Variants in RALGDS observed in about 807,000 individuals in gnomAD.
The protein encoded by RALGDS is ral guanine nucleotide exchange factor.
A neutral mutation model predicts 99.8 loss-of-function variants in RALGDS; 44 were observed. The observed-to-expected ratio is 0.44, with a 90% CI of 0.35 to 0.57. RALGDS has a LOEUF of 0.57. RALGDS is among the 20% of genes least tolerant of loss of function. The pLI is 0.01. For synonymous variants in RALGDS, 529 were observed against 505.0 expected (o/e 1.05, Z -0.64); for missense variants, 1,022 against 1,203.1 (o/e 0.85, Z 2.23).
intron 3 of RALGDS, 146 bp downstream of exon 3, chr9:133,110,150 T>A (rs1831273645): frequency 3.5e-6 from 3 of 847,000 alleles, no homozygotes; most frequent in Non-Finnish European, 5.6e-6. Context: ...GACAACCCCA[T>A]GAGGTCCTCT....
At chr9:133,111,578 G>T (rs1831344267) in intron 2 of RALGDS, among the ~76,000 whole-genome samples, 1 of 152,214 alleles carries the variant, frequency 6.6e-6, no homozygotes, top group Non-Finnish European at 1.5e-5. Context: ...ACTGCGCCTG[G>T]CTCCTGCAGC....
At chr9:133,102,372 T>C (rs1588510518) in intron 14 of RALGDS, 104 bp downstream of exon 14, 4 of 1,327,628 alleles carry the variant, frequency 3.0e-6, no homozygotes, top group South Asian at 2.4e-5. Context: ...AGCAGCAGGG[T>C]AGGATTCCAG....
In RALGDS at chr9:133,131,089, C is replaced by T. The variant is rs770730101; in HGVS notation, c.-6G>A. The T allele has an allele frequency of 7.3e-5, 107 of 1,472,614 alleles. No individual in the cohort carries two copies. The South Asian group carries it at 1.3e-3, about 18-fold the overall frequency. 91.2% of individuals were successfully genotyped at this position (1,472,614 alleles called of 1,614,324 possible). A position where few individuals can be genotyped will look rare whatever the true frequency, so the allele number is the denominator to read the frequency against. On this transcript the variant is annotated 5_prime_UTR_variant, in exon 1 of 18. Transcript: ENST00000372062. ...GAGTGCCCCCACAGGCACATCAGGC[C>T]CTGGGGCCCGGCTTCCCGCCCAGAC...
chr9:133,107,012 G>A, intron 7 of RALGDS, 73 bp downstream of exon 7: 1 of 1,528,394 alleles, frequency 6.5e-7, no homozygotes, highest in Non-Finnish European at 9.0e-7. Context: ...CCTGTACAGG[G>A]CCTTGGACTG....
At chr9:133,145,954 G>T (rs1206550303) in intron 1 of RALGDS, among the ~76,000 whole-genome samples, 1 of 152,206 alleles carries the variant, frequency 6.6e-6, no homozygotes, top group Non-Finnish European at 1.5e-5. Context: ...CTTTACAACT[G>T]TGAGGAAAGA....
intron 9 of RALGDS, 85 bp from the exon 10 acceptor site, chr9:133,104,416 G>C (rs949994277): frequency 4.7e-6 from 6 of 1,289,212 alleles, no homozygotes; most frequent in Middle Eastern, 1.9e-4. Context: ...AGTGTGGTCG[G>C]GTTCCAGGGC....
Position 133,098,783 on chromosome 9 carries a change from G to A in RALGDS, c.2570-21C>T, listed in dbSNP as rs769095384. 19 of 1,613,094 alleles carry A rather than the reference G, an allele frequency of 1.2e-5. No individual in the cohort carries two copies. In the African/African-American group the frequency reaches 2.5e-4, roughly 22 times the overall value. On this transcript the variant is annotated intron_variant, in intron 17 of 17. Coordinates refer to ENST00000372050, the MANE Select transcript of RALGDS (RefSeq NM_006266.4). The stretch of plus-strand genomic sequence containing the variant: ...CAGCTCTGGTGGGGAGGGGCAGAGG[G>A]GTGATCAGGGATGCTCCTGGGGGCC...
At chr9:133,111,852 G>T (rs1342437439) in intron 2 of RALGDS, among the ~76,000 whole-genome samples, 190 bp downstream of exon 2, 1 of 152,224 alleles carries the variant, frequency 6.6e-6, no homozygotes, top group Non-Finnish European at 1.5e-5. Flanking sequence ...AGGATGGTGA[G>T]GCTGATGGCT....
chr9:133,118,625 G>T (rs1289472260), intron 1 of RALGDS, among the ~76,000 whole-genome samples: 1 of 152,250 alleles, frequency 6.6e-6, no homozygotes, highest in Non-Finnish European at 1.5e-5. Flanking sequence ...GTGGGGTCCA[G>T]TTCTGGGCTT....
At chr9:133,111,955 G>A in intron 2 of RALGDS, 87 bp downstream of exon 2, 1 of 1,006,112 alleles carries the variant, frequency 9.9e-7, no homozygotes, top group Non-Finnish European at 1.5e-6. Flanking sequence ...CGTTTCCTTT[G>A]GGATCAGAAC....
At chr9:133,125,948 C>T (rs1564248787), upstream of RALGDS, among the ~76,000 whole-genome samples, 3 of 152,072 alleles carry the variant, frequency 2.0e-5, no homozygotes, top group Non-Finnish European at 4.4e-5. Flanking sequence ...GGACTGAGGC[C>T]GTGGGCAGCT....
rs941742328 is a variant in RALGDS at position 133,103,904 on chromosome 9, G to A, written c.1672-71C>T. ...GCTTTCTCAGCCCCCAGCCCCAACT[G>A]GTCTCACTTGGAACAGCTGGGGGAC... On this transcript the variant is annotated intron_variant, in intron 10 of 17. Transcript: ENST00000372050. 3 of 1,456,688 alleles carry A rather than the reference G, an allele frequency of 2.1e-6. No individual in the cohort carries two copies. The Admixed American group carries it at 5.1e-5, about 25-fold the overall frequency. 90.2% of individuals were successfully genotyped at this position (1,456,688 alleles called of 1,614,324 possible). A position where few individuals can be genotyped will look rare whatever the true frequency, so the allele number is the denominator to read the frequency against.
upstream of RALGDS, chr9:133,131,193 A>C (rs1832323723): frequency 8.6e-7 from 1 of 1,167,026 alleles, no homozygotes; most frequent in African/African-American, 1.8e-5. Flanking sequence ...TGTGGGCCTT[A>C]GGGGACCCAG....
At chr9:133,110,813 A>C (rs1270503232) in intron 2 of RALGDS, among the ~76,000 whole-genome samples, 1 of 152,038 alleles carries the variant, frequency 6.6e-6, no homozygotes, top group Non-Finnish European at 1.5e-5. Context: ...CAGGCATAGT[A>C]GCTTACGCCT....
chr9:133,126,506 C>A (rs1365592579), intron 1 of RALGDS, among the ~76,000 whole-genome samples: 1 of 152,250 alleles, frequency 6.6e-6, no homozygotes, highest in Non-Finnish European at 1.5e-5. Flanking sequence ...CCTGACCACA[C>A]CGGGTCTGTG....
chr9:133,115,608 G>A (rs908768583), intron 1 of RALGDS, among the ~76,000 whole-genome samples: 2 of 152,200 alleles, frequency 1.3e-5, no homozygotes, highest in Non-Finnish European at 2.9e-5. Flanking sequence ...TGTCATCTGG[G>A]GAGGGCAGCA....
At chr9:133,117,495 G>A (rs1588545488) in intron 1 of RALGDS, among the ~76,000 whole-genome samples, 2 of 152,216 alleles carry the variant, frequency 1.3e-5, no homozygotes, top group East Asian at 3.8e-4. Flanking sequence ...CAGGTGTCCT[G>A]CCCCGCCCGC....
intron 1 of RALGDS, chr9:133,129,268 C>A: frequency 1.3e-6 from 2 of 1,596,204 alleles, no homozygotes; most frequent in South Asian, 2.2e-5. Context: ...AGCCCTTCCT[C>A]CCCCTGGGCA....
upstream of RALGDS, among the ~76,000 whole-genome samples, chr9:133,123,733 CACAT>C (rs1832029972): frequency 7.0e-6 from 1 of 143,524 alleles, no homozygotes; most frequent in Admixed American, 7.5e-5. Context: ...CAGAGACACA[CACAT>C]AGAGACAGAG....
Sources: gnomAD v4.1 joint callset for allele counts (sites outside exome capture counted in the v4.1 genomes callset) on GRCh38, gnomAD v4.1.1 for gene constraint, MANE v1.5 for transcripts, NCBI Gene and HGNC (gene_info 2026-07-23, HGNC 2026-07-21) for gene names.